DPP10: variants seen among roughly 807,000 people sequenced by gnomAD.
The protein encoded by DPP10 is inactive dipeptidyl peptidase 10.
DPP10 carries 33 observed loss-of-function variants against 120.9 expected under a neutral mutation model. The ratio of observed to expected loss-of-function variants is 0.27; its 90% CI spans 0.21 to 0.37. The LOEUF (loss-of-function observed/expected upper bound fraction) is 0.37. DPP10 is among the 10% of genes least tolerant of loss of function. The pLI, the probability that DPP10 is intolerant of heterozygous loss-of-function variation, is 1.00. For synonymous variants in DPP10, 337 were observed against 326.1 expected (o/e 1.03, Z -0.36); for missense variants, 816 against 942.8 (o/e 0.87, Z 1.76).
chr2:115,018,717 T>C (rs1261303213), intron 1 of DPP10, among the ~76,000 whole-genome samples: 1 of 151,730 alleles, frequency 6.6e-6, no homozygotes, highest in Non-Finnish European at 1.5e-5. Flanking sequence ...GTTGGGGGTG[T>C]AAGGGGCTAG....
chr2:114,919,574 C>A (rs373729264), intron 1 of DPP10, among the ~76,000 whole-genome samples: 10 of 152,078 alleles, frequency 6.6e-5, no homozygotes, highest in African/African-American at 2.4e-4. Context: ...GCAACTGTAT[C>A]CAAATTGTTC....
At chr2:114,803,742 G>A (rs192240592) in intron 1 of DPP10, among the ~76,000 whole-genome samples, 1 of 152,036 alleles carries the variant, frequency 6.6e-6, no homozygotes, top group South Asian at 2.1e-4. Flanking sequence ...GAGGTGACTT[G>A]GGTACTGTTA....
At chr2:114,456,752 A>T (rs1283497761) in intron 1 of DPP10, among the ~76,000 whole-genome samples, 1 of 152,180 alleles carries the variant, frequency 6.6e-6, no homozygotes, top group East Asian at 1.9e-4. Context: ...ACTGGGCTGA[A>T]TTTTTCCCAG....
chr2:114,607,105 T>C (rs991204670), intron 1 of DPP10, among the ~76,000 whole-genome samples: 1 of 152,188 alleles, frequency 6.6e-6, no homozygotes, highest in African/African-American at 2.4e-5. Flanking sequence ...TTACAAAGTT[T>C]GTCTGTCTCC....
At position 115,601,010 on chromosome 2, in the gene DPP10, C is replaced by A. The variant is rs191638161; in HGVS notation, c.441+75038C>A. On this transcript the variant is annotated intron_variant, in intron 5 of 25. Transcript: ENST00000410059. ...TTGAAAATAGAAAAATAATAAAAAG[C>A]TTTCCTTCATCCTATTTATGCCTAT... 6.8e-3 allele frequency among the ~76,000 whole-genome samples: 1,029 copies of A among 152,226 alleles called. 6 individuals are homozygous for A. Among genetic ancestry groups the A allele is most frequent in the Non-Finnish European group, 9.6e-3 (655 of 68,006 alleles).
intron 1 of DPP10, among the ~76,000 whole-genome samples, chr2:114,928,994 G>A (rs1469230877): frequency 6.6e-6 from 1 of 152,136 alleles, no homozygotes; most frequent in South Asian, 2.1e-4. Flanking sequence ...GTGTCAGCTG[G>A]TCTGAGAAAT....
At chr2:115,161,682 C>G (rs879357067) in intron 1 of DPP10, 5 of 348,866 alleles carry the variant, frequency 1.4e-5, no homozygotes, top group South Asian at 8.4e-5. Flanking sequence ...GCCGCTTGGT[C>G]TCGCCTCGCC....
intron 1 of DPP10, among the ~76,000 whole-genome samples, chr2:114,536,819 A>C (rs1686542661): frequency 6.6e-6 from 1 of 151,962 alleles, no homozygotes; most frequent in Admixed American, 6.6e-5. Flanking sequence ...ATCTTTCTCA[A>C]AATCCTTCTG....
intron 1 of DPP10, among the ~76,000 whole-genome samples, chr2:115,215,409 G>C (rs2056761387): frequency 6.6e-6 from 1 of 152,162 alleles, no homozygotes; most frequent in African/African-American, 2.4e-5. Flanking sequence ...TTGAGCATTT[G>C]TGAATTTTAT....
intron 1 of DPP10, among the ~76,000 whole-genome samples, chr2:114,524,332 A>C (rs1414669560): frequency 6.6e-6 from 1 of 152,222 alleles, no homozygotes; most frequent in Non-Finnish European, 1.5e-5. Flanking sequence ...TAGTTATTAA[A>C]GCAACCTCCC....
chr2:115,516,922 T>G (rs1246772578), intron 4 of DPP10, among the ~76,000 whole-genome samples: 1 of 152,174 alleles, frequency 6.6e-6, no homozygotes, highest in Non-Finnish European at 1.5e-5. Flanking sequence ...AAGAAGATAG[T>G]ATTTTTCACA....
At chr2:115,093,993 A>G (rs780562845) in intron 1 of DPP10, among the ~76,000 whole-genome samples, 1 of 152,128 alleles carries the variant, frequency 6.6e-6, no homozygotes, top group African/African-American at 2.4e-5. Context: ...ATAGGAATTA[A>G]TGTCATGTAT....
At chr2:114,765,203 T>C (rs1680605263) in intron 1 of DPP10, among the ~76,000 whole-genome samples, 1 of 152,194 alleles carries the variant, frequency 6.6e-6, no homozygotes, top group East Asian at 1.9e-4. Context: ...TTTGCACGTT[T>C]AATCCATTTT....
intron 5 of DPP10, among the ~76,000 whole-genome samples, chr2:115,566,465 G>A (rs965761485): frequency 1.6e-4 from 24 of 151,030 alleles, no homozygotes; most frequent in African/African-American, 5.6e-4. Flanking sequence ...CTATAGACTC[G>A]TGGATTCTTA....
At chr2:115,647,751 G>A (rs756083634) in intron 5 of DPP10, among the ~76,000 whole-genome samples, 64 of 152,250 alleles carry the variant, frequency 4.2e-4, no homozygotes, top group Admixed American at 9.2e-4. Flanking sequence ...ATGGTAGGAA[G>A]AGAAAGGGCA....
chr2:115,216,818 T>C lies in DPP10; in HGVS notation c.61-92421T>C, dbSNP rs561728417. On this transcript the variant is annotated intron_variant, in intron 1 of 25. Coordinates refer to ENST00000410059, the MANE Select transcript of DPP10 (RefSeq NM_020868.6). ...AAAAGGTCAAAAGCTAAGCTATATA[T>C]ATGTATATATACACACCCATATATA... Among the ~76,000 whole-genome samples the C allele has an allele frequency of 1.5e-3, 228 of 151,984 alleles. 2 individuals are homozygous for C. Among genetic ancestry groups the C allele is most frequent in the African/African-American group, 5.3e-3 (219 of 41,472 alleles).
chr2:115,113,677 C>T (rs566563291), intron 1 of DPP10, among the ~76,000 whole-genome samples: 8 of 152,242 alleles, frequency 5.3e-5, no homozygotes, highest in Non-Finnish European at 1.2e-4. Context: ...CCACTTCCTT[C>T]ATCTATGTGA....
At chr2:115,109,307 G>A (rs1324449139) in intron 1 of DPP10, among the ~76,000 whole-genome samples, 1 of 152,138 alleles carries the variant, frequency 6.6e-6, no homozygotes, top group Non-Finnish European at 1.5e-5. Context: ...GGAGGCCGAG[G>A]TGGGCAGATC....
At chr2:115,191,928 G>A (rs114537689) in intron 1 of DPP10, among the ~76,000 whole-genome samples, 64 of 152,220 alleles carry the variant, frequency 4.2e-4, no homozygotes, top group African/African-American at 1.5e-3. Flanking sequence ...TTCAAATGTC[G>A]GGAGATCAGT....
Sources: allele counts gnomAD v4.1 joint callset (sites outside exome capture counted in the v4.1 genomes callset), GRCh38; gene constraint gnomAD v4.1.1; transcripts MANE v1.5; gene names NCBI Gene and HGNC (gene_info 2026-07-23, HGNC 2026-07-21).